The following RBPMS variants were observed in gnomAD, a reference collection of about 807,000 sequenced individuals.
RBPMS encodes RNA-binding protein with multiple splicing.
In RBPMS, 7 loss-of-function variants were observed where a neutral mutation model predicts 26.8. The ratio of observed to expected loss-of-function variants is 0.26; its 90% CI spans 0.15 to 0.49. The LOEUF is 0.49. Ranked by LOEUF, RBPMS falls within the 20% of genes least tolerant of loss-of-function variation. The pLI is 0.98. For synonymous variants in RBPMS, 96 were observed against 93.3 expected (o/e 1.03, Z -0.17); for missense variants, 186 against 250.0 (o/e 0.74, Z 1.73).
intron 1 of RBPMS, among the ~76,000 whole-genome samples, chr8:30,466,601 T>C (rs1816527935): frequency 6.6e-6 from 1 of 150,662 alleles, no homozygotes; most frequent in African/African-American, 2.4e-5. Flanking sequence ...TTTTTTCTTT[T>C]TTTTTTTTTT....
At chr8:30,520,462 T>C (rs1265432352) in intron 5 of RBPMS, among the ~76,000 whole-genome samples, 1 of 152,120 alleles carries the variant, frequency 6.6e-6, no homozygotes, top group East Asian at 1.9e-4. Context: ...TTTCTGATGC[T>C]CAGGGGCAGG....
Position 30,385,516 on chromosome 8 carries a change from A to G in RBPMS, c.66+358A>G, listed in dbSNP as rs559502578. On this transcript the variant is annotated intron_variant, in intron 1 of 8. Transcript: ENST00000397323. ...TTAGGGCCGGGGCTGGAAATTGTGT[A>G]TGGATTCAGGGTCGGGGGGGGAGCA... The G allele has an allele frequency of 2.7e-5, 5 of 182,468 alleles. No individual in the cohort carries two copies. In the East Asian group the frequency reaches 6.7e-4, roughly 25 times the overall value. The allele number at this position is 182,468 out of a possible 1,614,324, so 11.3% of individuals were successfully genotyped here.
intron 5 of RBPMS, among the ~76,000 whole-genome samples, chr8:30,520,086 GT>G (rs1259986609): frequency 6.6e-6 from 1 of 152,130 alleles, no homozygotes; most frequent in Non-Finnish European, 1.5e-5. Context: ...ACTAAGAGGG[GT>G]TTGTGGATTC....
At position 30,541,621 on chromosome 8, in the gene RBPMS, T is replaced by C. The variant is rs78747062; in HGVS notation, c.398-2873T>C. Among the ~76,000 whole-genome samples the C allele has an allele frequency of 5.3e-3, 806 of 152,194 alleles. 4 individuals are homozygous for C. Among genetic ancestry groups the C allele is most frequent in the African/African-American group, 0.018 (756 of 41,522 alleles). Reference sequence around the variant, plus strand: ...CACTCTGGGTGGTCAAGAGCCTCTTTTGTCAAGAGGAATCTCACCCCCTCC... The same window carrying C: ...CACTCTGGGTGGTCAAGAGCCTCTTCTGTCAAGAGGAATCTCACCCCCTCC... On this transcript the variant is annotated intron_variant, in intron 5 of 8. Transcript: ENST00000397323.
chr8:30,489,230 A>G (rs953666440), intron 4 of RBPMS, among the ~76,000 whole-genome samples: 14 of 151,904 alleles, frequency 9.2e-5, no homozygotes, highest in African/African-American at 2.9e-4. Context: ...TATGTTTTGT[A>G]GAAGTGTTGT....
At chr8:30,460,593 CAG>C (rs1169907576) in intron 1 of RBPMS, among the ~76,000 whole-genome samples, 20 of 152,084 alleles carry the variant, frequency 1.3e-4, no homozygotes, top group African/African-American at 4.8e-4. Context: ...TATATTACAT[CAG>C]ATATATCTGG....
chr8:30,477,697 T>G, intron 2 of RBPMS, 102 bp from the exon 3 acceptor site: 1 of 788,400 alleles, frequency 1.3e-6, no homozygotes, highest in South Asian at 1.5e-5. Context: ...AGGAGACATT[T>G]GTAGGAGGAG....
At chr8:30,412,745 T>A (rs543561669) in intron 1 of RBPMS, among the ~76,000 whole-genome samples, 25 of 152,342 alleles carry the variant, frequency 1.6e-4, no homozygotes, top group African/African-American at 4.3e-4. Context: ...TCATTTTTTT[T>A]AAACCAATGA....
At chr8:30,449,584 T>G (rs980539422) in intron 1 of RBPMS, among the ~76,000 whole-genome samples, 6 of 152,198 alleles carry the variant, frequency 3.9e-5, no homozygotes, top group African/African-American at 1.4e-4. Context: ...TTGGCCAGGC[T>G]TGTCTCAAAC....
rs1272748968 is a variant in RBPMS at position 30,384,915 on chromosome 8, G to A, written c.-178G>A. 1 of 379,948 alleles carries A rather than the reference G, an allele frequency of 2.6e-6. No individual in the cohort carries two copies. The highest frequency in any genetic ancestry group is 4.6e-6 in the Non-Finnish European group (1 of 217,636). The allele number at this position is 379,948 out of a possible 1,614,324, so 23.5% of individuals were successfully genotyped here. On this transcript the variant is annotated 5_prime_UTR_variant, in exon 1 of 9. Coordinates refer to ENST00000397323, the MANE Select transcript of RBPMS (RefSeq NM_001008710.3). This position sits in a 1 kb window ranked among gnomAD's most constrained non-coding sequence, Gnocchi z 5.6. ...CCGCCGCCGTCGCAGACTCGCCGCGGGAGCCCCAGCCCAACCCGAGCCCGA... is the reference window on the plus strand; with the variant it reads ...CCGCCGCCGTCGCAGACTCGCCGCGAGAGCCCCAGCCCAACCCGAGCCCGA...
chr8:30,451,238 CT>C (rs1361276086), intron 1 of RBPMS, among the ~76,000 whole-genome samples: 1 of 152,198 alleles, frequency 6.6e-6, no homozygotes, highest in Admixed American at 6.5e-5. Context: ...TGCCCTGAGA[CT>C]TTTCTTTCTC....
chr8:30,442,159 TC>T (rs1207064834), intron 1 of RBPMS, among the ~76,000 whole-genome samples: 3 of 152,146 alleles, frequency 2.0e-5, no homozygotes, highest in Non-Finnish European at 4.4e-5. Flanking sequence ...ACTCCTGGGC[TC>T]AAGCGTGGGA....
chr8:30,449,369 CTTTTTTTTTT>C (rs5890522), intron 1 of RBPMS, among the ~76,000 whole-genome samples: 19 of 106,510 alleles, frequency 1.8e-4, no homozygotes, highest in Admixed American at 1.1e-4. Context: ...CACATCTCCT[CTTTTTTTTTT>C]TTTTTTTTTT....
intron 5 of RBPMS, among the ~76,000 whole-genome samples, chr8:30,535,444 T>C (rs1250876897): frequency 6.6e-6 from 1 of 152,190 alleles, no homozygotes; most frequent in Non-Finnish European, 1.5e-5. Flanking sequence ...GGATATCTGG[T>C]CTTTACTGGA....
intron 6 of RBPMS, among the ~76,000 whole-genome samples, chr8:30,551,709 A>G (rs1826399293): frequency 6.6e-6 from 1 of 152,152 alleles, no homozygotes; most frequent in Non-Finnish European, 1.5e-5. Flanking sequence ...GCGTGGCCCA[A>G]CTGTCACAGT....
intron 1 of RBPMS, among the ~76,000 whole-genome samples, chr8:30,423,122 C>G (rs753603230): frequency 6.6e-6 from 1 of 152,222 alleles, no homozygotes; most frequent in Non-Finnish European, 1.5e-5. Context: ...TCACTTCCAG[C>G]CTGTTTACTC....
At chr8:30,489,138 C>G (rs757167350) in intron 4 of RBPMS, among the ~76,000 whole-genome samples, 7 of 150,912 alleles carry the variant, frequency 4.6e-5, no homozygotes, top group Non-Finnish European at 1.0e-4. Flanking sequence ...CCTCGACATC[C>G]TGGCCTTGAG....
At chr8:30,483,123 T>C (rs1818446560) in intron 4 of RBPMS, among the ~76,000 whole-genome samples, 1 of 152,200 alleles carries the variant, frequency 6.6e-6, no homozygotes, top group Non-Finnish European at 1.5e-5. Flanking sequence ...TAAGAATGAT[T>C]TGTAGTTAAC....
intron 1 of RBPMS, among the ~76,000 whole-genome samples, chr8:30,386,111 G>A (rs2150525706): frequency 6.6e-6 from 1 of 152,312 alleles, no homozygotes; most frequent in East Asian, 1.9e-4. Flanking sequence ...GAGAGTGTGT[G>A]TAGATGCAGG....
Sources: allele counts gnomAD v4.1 joint callset (sites outside exome capture counted in the v4.1 genomes callset), GRCh38; gene constraint gnomAD v4.1.1; non-coding constraint Gnocchi (gnomAD v3.1); transcripts MANE v1.5; gene names NCBI Gene and HGNC (gene_info 2026-07-23, HGNC 2026-07-21).